Variants in CRY1 observed in about 807,000 individuals in gnomAD.
The protein encoded by CRY1 is cryptochrome-1.
In CRY1, 45 loss-of-function variants were observed where a neutral mutation model predicts 76.0. The observed-to-expected ratio is 0.59, with a 90% CI of 0.47 to 0.76. The LOEUF (loss-of-function observed/expected upper bound fraction) is 0.76, where lower values mean the gene tolerates loss of function less well. Ranked by LOEUF, CRY1 falls within the 30% of genes least tolerant of loss-of-function variation. The probability of loss-of-function intolerance (pLI) is 0.00; values close to 1 mark genes in which losing one functional copy is unlikely to be tolerated. For synonymous variants in CRY1, 248 were observed against 244.0 expected, an observed-to-expected ratio of 1.02 and a Z score of -0.15; for missense variants, 587 against 716.4, an observed-to-expected ratio of 0.82 and a Z score of 2.06.
intron 1 of CRY1, among the ~76,000 whole-genome samples, chr12:107,027,609 C>A (rs1952630787): frequency 6.6e-6 from 1 of 152,088 alleles, no homozygotes; most frequent in Admixed American, 6.5e-5. Flanking sequence ...TCACTTTAAA[C>A]ATTTTAAGGA....
rs193110045 is a variant in CRY1 at position 107,043,792 on chromosome 12, G to C, written c.159-21600C>G. 2.0e-5 allele frequency among the ~76,000 whole-genome samples: 3 copies of C among 152,218 alleles called. No individual in the cohort carries two copies. In the East Asian group the frequency reaches 5.8e-4, roughly 29 times the overall value. ...ACTACATCTGGCCTCCCAGAGGGAG[G>C]ATACTGCTGAGCCCCACTATACCAC... On this transcript the variant is annotated intron_variant, in intron 1 of 12. Transcript: ENST00000008527.
chr12:107,043,651 A>C (rs1478457597), intron 1 of CRY1, among the ~76,000 whole-genome samples: 1 of 152,174 alleles, frequency 6.6e-6, no homozygotes, highest in Non-Finnish European at 1.5e-5. Context: ...AGCTACCTAG[A>C]GTGTGAGTTG....
chr12:107,066,619 A>C (rs1428435287), intron 1 of CRY1, among the ~76,000 whole-genome samples: 1 of 151,986 alleles, frequency 6.6e-6, no homozygotes, highest in Admixed American at 6.6e-5. Flanking sequence ...ACATGTGCCA[A>C]CACATCTGGC....
intron 1 of CRY1, among the ~76,000 whole-genome samples, chr12:107,055,122 C>G (rs1311644429): frequency 6.6e-6 from 1 of 151,910 alleles, no homozygotes; most frequent in African/African-American, 2.4e-5. Flanking sequence ...TTTAAAAATT[C>G]AGCATATATT....
chr12:107,091,297 G>A (rs1266097311), intron 1 of CRY1, among the ~76,000 whole-genome samples: 1 of 152,014 alleles, frequency 6.6e-6, no homozygotes, highest in Non-Finnish European at 1.5e-5. Context: ...CAAAGTGCTG[G>A]GATTACAGGG....
At chr12:106,992,668 A>G (rs1952191267) in intron 12 of CRY1, 119 bp downstream of exon 12, 1 of 930,828 alleles carries the variant, frequency 1.1e-6, no homozygotes. Context: ...TTGCTTAAAA[A>G]TTAATGCCTC....
At chr12:107,051,812 C>T (rs1952925225) in intron 1 of CRY1, among the ~76,000 whole-genome samples, 1 of 152,028 alleles carries the variant, frequency 6.6e-6, no homozygotes, top group Non-Finnish European at 1.5e-5. Flanking sequence ...ATCTAAGGCT[C>T]CTACTAATTT....
At chr12:107,084,373 A>C (rs992727409) in intron 1 of CRY1, among the ~76,000 whole-genome samples, 1 of 152,224 alleles carries the variant, frequency 6.6e-6, no homozygotes, top group African/African-American at 2.4e-5. Flanking sequence ...TGTATAGCCA[A>C]GACAATCCTA....
intron 2 of CRY1, among the ~76,000 whole-genome samples, chr12:107,014,417 G>T (rs568697237): frequency 1.3e-5 from 2 of 152,150 alleles, no homozygotes; most frequent in Non-Finnish European, 2.9e-5. Context: ...AAAAGCACAA[G>T]TATATCAAGA....
chr12:107,059,591 A>ATATACAGCTGTAC lies in CRY1; in HGVS notation c.158+33212_158+33213insGTACAGCTGTATA, dbSNP rs1176370298. On this transcript the variant is annotated intron_variant, in intron 1 of 12. Coordinates refer to ENST00000008527, the MANE Select transcript of CRY1 (RefSeq NM_004075.5). ...TGAAAAAATAATGGACAAGACTTCT[A>ATATACAGCTGTAC]AAGTCATCTATATACAGCTGTACAA... Among the ~76,000 whole-genome samples, 223 of 152,244 alleles carry ATATACAGCTGTAC rather than the reference A, an allele frequency of 1.5e-3. 1 individual carries two copies. The highest frequency in any genetic ancestry group is 1.8e-3 in the Non-Finnish European group (123 of 68,004).
intron 1 of CRY1, among the ~76,000 whole-genome samples, chr12:107,047,447 T>C (rs1343030111): frequency 6.6e-6 from 1 of 152,122 alleles, no homozygotes; most frequent in Non-Finnish European, 1.5e-5. Context: ...CACCCAAATC[T>C]CATCTTGAAT....
At position 106,997,356 on chromosome 12, in the gene CRY1, T is replaced by C; in HGVS notation, c.1523A>G (p.Asn508Ser). The C allele has an allele frequency of 1.2e-6, 2 of 1,613,938 alleles. No individual in the cohort carries two copies. Among genetic ancestry groups the C allele is most frequent in the African/African-American group, 1.3e-5 (1 of 75,014 alleles). ...ATATCCCATGAAGCCTCCATTCCCA[T>C]TAGGATTAGAAGGTACTGATGCCAG... ...GLLASVPSNPNGNGGFMGYSA... is the reference protein window; with the variant it reads ...GLLASVPSNPSGNGGFMGYSA... Residue 508 changes from asparagine (N) to serine (S), a missense_variant, in exon 10 of 13, where the codon AAT becomes AGT. Transcript: ENST00000008527.
At chr12:107,027,026 T>C (rs995140640) in intron 1 of CRY1, among the ~76,000 whole-genome samples, 3 of 152,136 alleles carry the variant, frequency 2.0e-5, no homozygotes, top group Admixed American at 1.3e-4. Context: ...TCTAAGCATA[T>C]AATTTTTCCT....
intron 2 of CRY1, among the ~76,000 whole-genome samples, chr12:107,012,410 AT>A (rs1370316087): frequency 6.6e-6 from 1 of 152,244 alleles, no homozygotes; most frequent in Non-Finnish European, 1.5e-5. Context: ...TGTTTACAAC[AT>A]GGTTTATACA....
intron 2 of CRY1, among the ~76,000 whole-genome samples, chr12:107,015,482 C>A (rs930554557): frequency 9.9e-5 from 15 of 151,660 alleles, no homozygotes; most frequent in Non-Finnish European, 2.1e-4. Flanking sequence ...TAGCTAGGAC[C>A]ACAGGCATGC....
chr12:107,009,836 T>C (rs1186356594), intron 2 of CRY1, among the ~76,000 whole-genome samples: 1 of 151,928 alleles, frequency 6.6e-6, no homozygotes, highest in Admixed American at 6.6e-5. Flanking sequence ...CACTTGGCTA[T>C]ACTTTTAATT....
At chr12:107,052,417 G>C (rs962994519) in intron 1 of CRY1, among the ~76,000 whole-genome samples, 1 of 152,048 alleles carries the variant, frequency 6.6e-6, no homozygotes, top group Non-Finnish European at 1.5e-5. Flanking sequence ...CTAGATATTA[G>C]AAACACACCT....
At chr12:107,091,542 C>T (rs1264825491) in intron 1 of CRY1, among the ~76,000 whole-genome samples, 2 of 152,148 alleles carry the variant, frequency 1.3e-5, no homozygotes, top group African/African-American at 2.4e-5. Flanking sequence ...AATTCAGAAC[C>T]ACAAGCAGAA....
chr12:106,997,439 A>G (rs752980701), intron 9 of CRY1, 49 bp downstream of exon 9: 11 of 1,612,484 alleles, frequency 6.8e-6, no homozygotes, highest in Admixed American at 3.3e-5. Flanking sequence ...AAATTCAAAG[A>G]TAAGTACATA....
Sources: gnomAD v4.1 joint callset for allele counts (sites outside exome capture counted in the v4.1 genomes callset) on GRCh38, gnomAD v4.1.1 for gene constraint, MANE v1.5 for transcripts, NCBI Gene and HGNC (gene_info 2026-07-23, HGNC 2026-07-21) for gene names.